BCKDHA: variants seen among roughly 807,000 people sequenced by gnomAD.
BCKDHA encodes branched chain keto acid dehydrogenase E1 subunit alpha.
A neutral mutation model predicts 52.2 loss-of-function variants in BCKDHA; 43 were observed. The ratio of observed to expected loss-of-function variants is 0.82; its 90% confidence interval spans 0.64 to 1.06. BCKDHA has a LOEUF of 1.06. Among genes scored for constraint, BCKDHA ranks in the 50% least tolerant of loss-of-function variants. BCKDHA has a pLI of 0.00. For synonymous variants in BCKDHA, 234 were observed against 247.9 expected (o/e 0.94, Z 0.53); for missense variants, 527 against 621.3 (o/e 0.85, Z 1.61).
intron 1 of BCKDHA, among the ~76,000 whole-genome samples, chr19:41,405,625 A>G (rs1196242681): frequency 6.6e-6 from 1 of 152,096 alleles, no homozygotes; most frequent in African/African-American, 2.4e-5. Flanking sequence ...AGGTCTCACT[A>G]TGTTTCCCAG....
At position 41,410,937 on chromosome 19, in the gene BCKDHA, G is replaced by C; in HGVS notation, c.303G>C (p.Lys101Asn). 6.2e-7 allele frequency: 1 copy of C among 1,614,140 alleles called. No individual in the cohort carries two copies. The highest frequency in any genetic ancestry group is 8.5e-7 in the Non-Finnish European group (1 of 1,180,034). ...PSEDPHLPKEKVLKLYKSMTL... is the reference protein window; with the variant it reads ...PSEDPHLPKENVLKLYKSMTL... ...TCCACCCGCAGCTGCCGAAGGAGAAGGTGCTGAAGCTCTACAAGAGCATGA... is the reference window on the plus strand; with the variant it reads ...TCCACCCGCAGCTGCCGAAGGAGAACGTGCTGAAGCTCTACAAGAGCATGA... The change falls in exon 3 of 9, where the codon AAG becomes AAC. Residue 101 changes from lysine to asparagine, a missense_variant. Coordinates refer to ENST00000269980, the MANE Select transcript of BCKDHA (RefSeq NM_000709.4).
In BCKDHA at chr19:41,397,934, C is replaced by A. The variant is rs939534836; in HGVS notation, c.107C>A (p.Ser36Tyr). 2 of 1,613,220 alleles carry A rather than the reference C, an allele frequency of 1.2e-6. No homozygotes were observed. The highest frequency in any genetic ancestry group is 1.3e-5 in the African/African-American group (1 of 74,906). The change falls in exon 1 of 9, where the codon TCT becomes TAT. Residue 36 changes from serine (S) to tyrosine (Y), a missense_variant and splice_region_variant. Ser to Tyr is a moderately radical substitution (Grantham distance 144). Transcript: ENST00000269980. ...CCTGGGGCTCGGGGACTGGCTAGATCTGTGAGTACCTGGGCCCCAGGCGGT... is the reference window on the plus strand; with the variant it reads ...CCTGGGGCTCGGGGACTGGCTAGATATGTGAGTACCTGGGCCCCAGGCGGT... ...RQPGARGLARSHPPRQQQQFS... is the reference protein window; with the variant it reads ...RQPGARGLARYHPPRQQQQFS...
At chr19:41,420,590 CAAAA>C (rs11300069) in intron 5 of BCKDHA, among the ~76,000 whole-genome samples, 2 of 142,066 alleles carry the variant, frequency 1.4e-5, no homozygotes, top group Admixed American at 7.1e-5. Flanking sequence ...GATCCTGTCT[CAAAA>C]AAAAAAAAAA....
intron 1 of BCKDHA, among the ~76,000 whole-genome samples, chr19:41,407,493 T>C (rs950160581): frequency 1.3e-5 from 2 of 152,108 alleles, no homozygotes; most frequent in South Asian, 2.1e-4. Context: ...ATCTTCTAGG[T>C]CAGTGTCTGG....
intron 1 of BCKDHA, among the ~76,000 whole-genome samples, chr19:41,398,449 ATTTG>A (rs1019590714): frequency 7.2e-5 from 11 of 152,208 alleles, no homozygotes; most frequent in Non-Finnish European, 1.6e-4. Flanking sequence ...TGTGTAAAAA[ATTTG>A]TTTGATTCCT....
intron 3 of BCKDHA, among the ~76,000 whole-genome samples, chr19:41,413,672 T>C (rs4803466): frequency 0.99 from 151,428 of 152,314 alleles, 75,276 homozygotes; most frequent in Middle Eastern, 1. Flanking sequence ...CTGGGTGCCA[T>C]CTCCTCTCCC....
At chr19:41,411,704 G>A (rs530103672) in intron 3 of BCKDHA, among the ~76,000 whole-genome samples, 5 of 152,276 alleles carry the variant, frequency 3.3e-5, no homozygotes, top group African/African-American at 1.2e-4. Context: ...GGCAGTTGCT[G>A]CCTGCGGGAG....
chr19:41,417,620 TCTAA>T (rs1324249062), intron 4 of BCKDHA, among the ~76,000 whole-genome samples: 2 of 152,146 alleles, frequency 1.3e-5, no homozygotes, highest in African/African-American at 2.4e-5. Context: ...CACCCTCAAC[TCTAA>T]CTAAAATATC....
chr19:41,408,564 C>T (rs1418471601), intron 1 of BCKDHA, among the ~76,000 whole-genome samples: 3 of 151,996 alleles, frequency 2.0e-5, no homozygotes, highest in Non-Finnish European at 2.9e-5. Context: ...CTCAGCCATT[C>T]CTCATCTGAC....
At chr19:41,403,770 G>A (rs1027669388) in intron 1 of BCKDHA, among the ~76,000 whole-genome samples, 7 of 152,152 alleles carry the variant, frequency 4.6e-5, no homozygotes, top group Non-Finnish European at 1.0e-4. Context: ...CCATCCCCAC[G>A]AGGGCACGCA....
intron 5 of BCKDHA, among the ~76,000 whole-genome samples, chr19:41,421,500 G>A (rs576103677): frequency 3.9e-5 from 6 of 152,260 alleles, no homozygotes; most frequent in Admixed American, 6.5e-5. Context: ...TGAGCCTGGC[G>A]TGTTTGAGGA....
intron 5 of BCKDHA, among the ~76,000 whole-genome samples, chr19:41,419,886 G>A (rs1021227486): frequency 1.3e-5 from 2 of 151,310 alleles, no homozygotes; most frequent in African/African-American, 4.8e-5. Flanking sequence ...TCCTGCCTTA[G>A]CCTCCTGAGT....
chr19:41,411,112 T>G (rs1568504014), intron 3 of BCKDHA, 103 bp downstream of exon 3: 15 of 1,298,804 alleles, frequency 1.2e-5, no homozygotes, highest in South Asian at 4.8e-5. Context: ...GATTCTTTTT[T>G]GGGGGGGTTC....
intron 4 of BCKDHA, among the ~76,000 whole-genome samples, chr19:41,414,553 G>A (rs2039289265): frequency 6.6e-6 from 1 of 152,150 alleles, no homozygotes; most frequent in African/African-American, 2.4e-5. Flanking sequence ...CTGTCTGCCT[G>A]GTGCAGTGAT....
chr19:41,403,654 C>T (rs750786402), intron 1 of BCKDHA, among the ~76,000 whole-genome samples: 1 of 152,166 alleles, frequency 6.6e-6, no homozygotes, highest in African/African-American at 2.4e-5. Context: ...CCATCTGATG[C>T]TGGTGCTTCC....
chr19:41,406,209 G>A (rs1000979071), intron 1 of BCKDHA, among the ~76,000 whole-genome samples: 30 of 152,158 alleles, frequency 2.0e-4, no homozygotes, highest in Non-Finnish European at 3.8e-4. Context: ...GCACACTGGG[G>A]TGCCGTGAAG....
chr19:41,402,144 G>A (rs1168376520), intron 1 of BCKDHA, among the ~76,000 whole-genome samples: 1 of 152,152 alleles, frequency 6.6e-6, no homozygotes, highest in Non-Finnish European at 1.5e-5. Context: ...GACTTATTCA[G>A]TATAATGAGA....
intron 8 of BCKDHA, among the ~76,000 whole-genome samples, 179 bp from the exon 9 acceptor site, chr19:41,424,259 C>T (rs1346163142): frequency 6.6e-6 from 1 of 152,226 alleles, no homozygotes; most frequent in African/African-American, 2.4e-5. Flanking sequence ...TTGGATAGCA[C>T]CTGATCCCTG....
chr19:41,397,830 G>GGCGGTAGCGATC lies in BCKDHA; in HGVS notation c.6_17dup (p.Val3_Ala6dup). 1 of 1,614,156 alleles carries GGCGGTAGCGATC rather than the reference G, an allele frequency of 6.2e-7. No homozygotes were observed. Among genetic ancestry groups the GGCGGTAGCGATC allele is most frequent in the Non-Finnish European group, 8.5e-7 (1 of 1,180,004 alleles). ...CCGCTGAGTGGTTGTTAGCCAAGATGGCGGTAGCGATCGCTGCAGCGAGGG... is the reference window on the plus strand; with the variant it reads ...CCGCTGAGTGGTTGTTAGCCAAGATGGCGGTAGCGATCGCGGTAGCGATCGCTGCAGCGAGGG... On this transcript the variant is annotated inframe_insertion, in exon 1 of 9. Transcript: ENST00000269980.
Sources: gnomAD v4.1 joint callset for allele counts (sites outside exome capture counted in the v4.1 genomes callset) on GRCh38, gnomAD v4.1.1 for gene constraint, MANE v1.5 for transcripts, NCBI Gene and HGNC (gene_info 2026-07-23, HGNC 2026-07-21) for gene names.